The following ANO3 variants were observed in gnomAD, a reference collection of about 807,000 sequenced individuals.
ANO3 encodes the protein anoctamin-3.
A neutral mutation model predicts 144.8 loss-of-function variants in ANO3; 99 were observed. That is an observed-to-expected ratio of 0.68 (90% CI 0.58 to 0.81). The LOEUF (loss-of-function observed/expected upper bound fraction) is 0.81. Ranked by LOEUF, ANO3 falls within the 30% of genes least tolerant of loss-of-function variation. The pLI, the probability that ANO3 is intolerant of heterozygous loss-of-function variation, is 0.00. For missense variants in ANO3, 905 were observed against 1,202.2 expected (o/e 0.75, Z 3.66); for synonymous variants, 414 against 392.6 (o/e 1.05, Z -0.64).
Position 26,443,509 on chromosome 11 carries a change from C to T in ANO3, c.242-256C>T, listed in dbSNP as rs927623357. Among the ~76,000 whole-genome samples, 6 of 151,990 alleles carry T rather than the reference C, an allele frequency of 3.9e-5. 1 individual carries two copies. Among genetic ancestry groups the T allele is most frequent in the South Asian group, 4.2e-4 (2 of 4,802 alleles). The stretch of plus-strand genomic sequence containing the variant: ...CCCAGCAACTCAGGAGGCTGAGGCA[C>T]GAGAATCGCTTGAACCCGGGAGGCG... On this transcript the variant is annotated intron_variant, in intron 2 of 26. Coordinates refer to ENST00000256737, the MANE Select transcript of ANO3 (RefSeq NM_031418.4).
chr11:26,350,585 T>C (rs1436388428), intron 1 of ANO3, among the ~76,000 whole-genome samples: 1 of 152,288 alleles, frequency 6.6e-6, no homozygotes, highest in East Asian at 1.9e-4. Flanking sequence ...TAATTCTGTG[T>C]TTAAGTGAAT....
intron 1 of ANO3, among the ~76,000 whole-genome samples, chr11:26,240,633 TATA>T (rs1237931017): frequency 6.6e-6 from 1 of 152,182 alleles, no homozygotes; most frequent in African/African-American, 2.4e-5. Flanking sequence ...GTACTTTAAA[TATA>T]CTGTTCGGTT....
intron 1 of ANO3, among the ~76,000 whole-genome samples, chr11:26,368,205 G>A (rs1347409175): frequency 6.6e-6 from 1 of 152,194 alleles, no homozygotes; most frequent in African/African-American, 2.4e-5. Flanking sequence ...CCTGGTGACA[G>A]AGAATTATTG....
intron 1 of ANO3, among the ~76,000 whole-genome samples, chr11:26,258,024 C>T (rs1326436496): frequency 6.6e-6 from 1 of 151,966 alleles, no homozygotes; most frequent in Non-Finnish European, 1.5e-5. Context: ...ACGGATATAA[C>T]ATATGTGAGT....
chr11:26,415,786 C>A (rs1857568698), intron 1 of ANO3, among the ~76,000 whole-genome samples: 1 of 152,094 alleles, frequency 6.6e-6, no homozygotes, highest in Non-Finnish European at 1.5e-5. Flanking sequence ...GGTATTAAAT[C>A]TCTGCACAAT....
intron 17 of ANO3, among the ~76,000 whole-genome samples, chr11:26,615,044 C>T (rs879782793): frequency 1.2e-4 from 18 of 151,092 alleles, no homozygotes; most frequent in East Asian, 1.2e-3. Context: ...ATAACTTTTT[C>T]GGATCATTTG....
intron 14 of ANO3, among the ~76,000 whole-genome samples, chr11:26,580,317 C>A (rs1360662190): frequency 6.6e-6 from 1 of 152,026 alleles, no homozygotes; most frequent in Non-Finnish European, 1.5e-5. Flanking sequence ...ATGGTTAATT[C>A]TGTTTTTATT....
chr11:26,238,900 T>C (rs1018569238), intron 1 of ANO3, among the ~76,000 whole-genome samples: 7 of 152,032 alleles, frequency 4.6e-5, no homozygotes, highest in African/African-American at 1.4e-4. Flanking sequence ...ATTCAAAATT[T>C]GGAAAATGTA....
chr11:26,523,951 G>T (rs1849092030), intron 6 of ANO3, among the ~76,000 whole-genome samples: 1 of 152,022 alleles, frequency 6.6e-6, no homozygotes, highest in South Asian at 2.1e-4. Context: ...GGATTTATTT[G>T]ATGCTGGAAA....
At chr11:26,198,201 G>T (rs1315361054) in intron 1 of ANO3, among the ~76,000 whole-genome samples, 1 of 152,048 alleles carries the variant, frequency 6.6e-6, no homozygotes, top group South Asian at 2.1e-4. Flanking sequence ...GTCACACAAT[G>T]AATTAATTAA....
intron 4 of ANO3, among the ~76,000 whole-genome samples, chr11:26,502,789 A>G (rs1861250974): frequency 6.6e-6 from 1 of 151,510 alleles, no homozygotes; most frequent in Non-Finnish European, 1.5e-5. Flanking sequence ...CTTTAGCCCT[A>G]CAGTTTAGCA....
intron 1 of ANO3, among the ~76,000 whole-genome samples, chr11:26,288,492 T>C (rs1366972572): frequency 3.3e-5 from 5 of 152,112 alleles, no homozygotes; most frequent in Non-Finnish European, 7.4e-5. Flanking sequence ...AGGAAAGGGA[T>C]TCCTTCCTTT....
At chr11:26,378,756 A>G (rs553422081) in intron 1 of ANO3, among the ~76,000 whole-genome samples, 59 of 152,228 alleles carry the variant, frequency 3.9e-4, no homozygotes, top group African/African-American at 1.2e-3. Flanking sequence ...ATGAGAGTCA[A>G]TGGGTCTGTT....
intron 1 of ANO3, among the ~76,000 whole-genome samples, chr11:26,208,580 G>T (rs1162946462): frequency 6.6e-6 from 1 of 151,788 alleles, no homozygotes; most frequent in Non-Finnish European, 1.5e-5. Flanking sequence ...CAAGGCTTTT[G>T]CACTTTACTT....
chr11:26,339,134 C>A (rs1855281047), intron 1 of ANO3, among the ~76,000 whole-genome samples: 1 of 151,896 alleles, frequency 6.6e-6, no homozygotes, highest in South Asian at 2.1e-4. Context: ...ACGCAGCCCT[C>A]CCTGACTCCA....
intron 1 of ANO3, among the ~76,000 whole-genome samples, chr11:26,194,760 T>C (rs1187584269): frequency 1.3e-5 from 2 of 152,014 alleles, no homozygotes; most frequent in Non-Finnish European, 2.9e-5. Context: ...GAGATGGGAT[T>C]TCACCATATT....
At position 26,240,037 on chromosome 11, in the gene ANO3, G is replaced by A. The variant is rs1852626411; in HGVS notation, c.154+50707G>A. Among the ~76,000 whole-genome samples, 3 of 152,128 alleles carry A rather than the reference G, an allele frequency of 2.0e-5. No individual in the cohort carries two copies. In the South Asian group the frequency reaches 6.2e-4, roughly 31 times the overall value. On this transcript the variant is annotated intron_variant, in intron 1 of 27. Transcript: ENST00000672621. Reference sequence around the variant, plus strand: ...TAAGATGTGGATCTCATTTGCTAGGGTTTAAATTCTAACTCAGCCCCACTT... The same window carrying A: ...TAAGATGTGGATCTCATTTGCTAGGATTTAAATTCTAACTCAGCCCCACTT...
chr11:26,434,527 ATTTGGGATC>A (rs1329079008), intron 1 of ANO3, among the ~76,000 whole-genome samples: 2 of 151,948 alleles, frequency 1.3e-5, no homozygotes, highest in Non-Finnish European at 2.9e-5. Flanking sequence ...TAGGTTGTTA[ATTTGGGATC>A]TTTCTAACTT....
intron 1 of ANO3, among the ~76,000 whole-genome samples, chr11:26,341,843 G>A (rs1462967251): frequency 1.3e-5 from 2 of 152,208 alleles, no homozygotes; most frequent in South Asian, 4.1e-4. Context: ...GGAGTCTGAT[G>A]TTCCAGGACA....
Sources: gnomAD v4.1 joint callset for allele counts (sites outside exome capture counted in the v4.1 genomes callset) on GRCh38, gnomAD v4.1.1 for gene constraint, MANE v1.5 for transcripts, NCBI Gene and HGNC (gene_info 2026-07-23, HGNC 2026-07-21) for gene names.